PRKCH: variants seen among roughly 807,000 people sequenced by gnomAD.
PRKCH encodes protein kinase C eta type.
A neutral mutation model predicts 82.5 loss-of-function variants in PRKCH; 28 were observed. That is an observed-to-expected ratio of 0.34 (90% CI 0.25 to 0.47). The LOEUF is 0.47. Ranked by LOEUF, PRKCH falls within the 20% of genes least tolerant of loss-of-function variation. The probability of loss-of-function intolerance (pLI) is 1.00; values close to 1 mark genes in which losing one functional copy is unlikely to be tolerated. For missense variants in PRKCH, 705 were observed against 881.8 expected, an observed-to-expected ratio of 0.80 and a Z score of 2.54; for synonymous variants, 322 against 327.4, an observed-to-expected ratio of 0.98 and a Z score of 0.18.
intron 1 of PRKCH, among the ~76,000 whole-genome samples, chr14:61,254,928 C>T (rs1434265449): frequency 6.6e-6 from 1 of 152,182 alleles, no homozygotes; most frequent in Non-Finnish European, 1.5e-5. Context: ...CAGCTCTGTA[C>T]TGCCGCCTGC....
At chr14:61,276,755 C>T (rs962647748) in intron 1 of PRKCH, among the ~76,000 whole-genome samples, 1 of 152,064 alleles carries the variant, frequency 6.6e-6, no homozygotes, top group African/African-American at 2.4e-5. Context: ...GAGAGTTACT[C>T]AAGATTGTTG....
At chr14:61,215,775 A>G (rs1329866729) in intron 1 of PRKCH, among the ~76,000 whole-genome samples, 2 of 152,162 alleles carry the variant, frequency 1.3e-5, no homozygotes, top group Non-Finnish European at 2.9e-5. Context: ...TCCACTTTCT[A>G]TGTTGCAATA....
intron 1 of PRKCH, among the ~76,000 whole-genome samples, chr14:61,383,042 G>A (rs1251747386): frequency 1.3e-5 from 2 of 152,308 alleles, no homozygotes; most frequent in East Asian, 3.9e-4. Flanking sequence ...CCTAACTCCT[G>A]CAAAGTGATG....
intron 1 of PRKCH, among the ~76,000 whole-genome samples, chr14:61,334,026 G>A (rs1249765745): frequency 6.6e-6 from 1 of 152,094 alleles, no homozygotes; most frequent in African/African-American, 2.4e-5. Context: ...CAGACAACCC[G>A]ATGTTGGTGG....
chr14:61,525,931 A>G (rs1002103237), intron 10 of PRKCH: 1 of 152,326 alleles, frequency 6.6e-6, no homozygotes, highest in Non-Finnish European at 1.5e-5. Context: ...GGGGCTGCAG[A>G]CTAGTGTGTC....
intron 9 of PRKCH, among the ~76,000 whole-genome samples, chr14:61,468,764 A>T (rs1202263234): frequency 6.6e-6 from 1 of 152,162 alleles, no homozygotes; most frequent in Non-Finnish European, 1.5e-5. Context: ...GACTGAGTAG[A>T]CCGCCACCTC....
intron 2 of PRKCH, among the ~76,000 whole-genome samples, chr14:61,430,759 C>CT (rs76049144): frequency 0.58 from 84,604 of 144,676 alleles, 25,826 homozygotes; most frequent in Non-Finnish European, 0.7. Flanking sequence ...CAGCAGCTTC[C>CT]TTTTTTTTTT....
chr14:61,535,543 T>G (rs1043968244), intron 12 of PRKCH, among the ~76,000 whole-genome samples: 9 of 152,072 alleles, frequency 5.9e-5, no homozygotes, highest in Non-Finnish European at 1.2e-4. Context: ...GCAGGCGGGT[T>G]GGAGTGTGAT....
chr14:61,216,389 A>AGGGT (rs980480974), intron 1 of PRKCH, among the ~76,000 whole-genome samples: 1 of 151,664 alleles, frequency 6.6e-6, no homozygotes. Flanking sequence ...CATTTGAACC[A>AGGGT]GGGTGGGGTT....
At chr14:61,259,548 C>T (rs1055651510) in intron 1 of PRKCH, among the ~76,000 whole-genome samples, 1 of 152,142 alleles carries the variant, frequency 6.6e-6, no homozygotes, top group Non-Finnish European at 1.5e-5. Flanking sequence ...AAAGGAGATA[C>T]CCATTTAGTC....
At chr14:61,464,083 C>T (rs946326767) in intron 9 of PRKCH, among the ~76,000 whole-genome samples, 1 of 152,170 alleles carries the variant, frequency 6.6e-6, no homozygotes, top group African/African-American at 2.4e-5. Context: ...GGATGTATAT[C>T]CAGTATTGGA....
chr14:61,207,602 A>G (rs539350945), intron 1 of PRKCH, among the ~76,000 whole-genome samples: 161 of 152,272 alleles, frequency 1.1e-3, no homozygotes, highest in African/African-American at 3.6e-3. Context: ...CTCTTTTAAC[A>G]TAATAATTAT....
At chr14:61,492,548 C>T (rs1166410041) in intron 10 of PRKCH, among the ~76,000 whole-genome samples, 1 of 152,210 alleles carries the variant, frequency 6.6e-6, no homozygotes, top group African/African-American at 2.4e-5. Flanking sequence ...AATTTTGTTT[C>T]AGTCTTCAAC....
chr14:61,407,305 A>G (rs78007134), intron 2 of PRKCH, among the ~76,000 whole-genome samples: 1,741 of 152,268 alleles, frequency 0.011, 30 homozygotes, highest in African/African-American at 0.039. Context: ...TAAATACCCT[A>G]CCATTCTGAA....
At chr14:61,434,191 A>G (rs1304704804) in intron 2 of PRKCH, among the ~76,000 whole-genome samples, 1 of 152,258 alleles carries the variant, frequency 6.6e-6, no homozygotes, top group Non-Finnish European at 1.5e-5. Flanking sequence ...GAAAATGTTT[A>G]CATTTTCAAG....
intron 1 of PRKCH, chr14:61,306,124 T>G (rs1488634649): frequency 2.6e-5 from 4 of 152,244 alleles, no homozygotes; most frequent in African/African-American, 4.8e-5. Context: ...TATTTACTCC[T>G]AAGGTCTATC....
intron 2 of PRKCH, among the ~76,000 whole-genome samples, chr14:61,439,595 G>A (rs1410059209): frequency 6.8e-5 from 10 of 146,602 alleles, no homozygotes; most frequent in Non-Finnish European, 5.9e-5. Context: ...AGACATTGAG[G>A]TGCACTCCCG....
At chr14:61,300,623 T>C (rs2045441449) in intron 1 of PRKCH, among the ~76,000 whole-genome samples, 1 of 152,114 alleles carries the variant, frequency 6.6e-6, no homozygotes. Context: ...AGGCAGATAG[T>C]GAGGGTAAGG....
chr14:61,237,642 A>G (rs1447860282), intron 1 of PRKCH, among the ~76,000 whole-genome samples: 3 of 152,188 alleles, frequency 2.0e-5, no homozygotes, highest in Non-Finnish European at 4.4e-5. Flanking sequence ...CTTTCAATCA[A>G]TCGTCAATCG....
Sources: allele counts gnomAD v4.1 joint callset (sites outside exome capture counted in the v4.1 genomes callset), GRCh38; gene constraint gnomAD v4.1.1; transcripts MANE v1.5; gene names NCBI Gene and HGNC (gene_info 2026-07-23, HGNC 2026-07-21).